PRTFDC1: variants seen among roughly 807,000 people sequenced by gnomAD.
PRTFDC1 encodes the protein phosphoribosyltransferase domain-containing protein 1.
Under a neutral mutation model 34.6 loss-of-function variants are expected in PRTFDC1, and 38 were observed. The observed-to-expected ratio is 1.10, with a 90% confidence interval of 0.85 to 1.44. The LOEUF (loss-of-function observed/expected upper bound fraction) is 1.44, where lower values mean the gene tolerates loss of function less well. PRTFDC1 is among the 40% of genes most tolerant of loss of function. The pLI is 0.00. For synonymous variants in PRTFDC1, 93 were observed against 98.1 expected (o/e 0.95, Z 0.31); for missense variants, 270 against 283.0 (o/e 0.95, Z 0.33).
intron 8 of PRTFDC1, 51 bp downstream of exon 8, chr10:24,851,337 T>C: frequency 1.3e-6 from 2 of 1,579,088 alleles, no homozygotes. Context: ...CTTTTTTAAA[T>C]TGTTAAGTTC....
intron 4 of PRTFDC1, among the ~76,000 whole-genome samples, chr10:24,859,387 G>T (rs1293801989): frequency 6.6e-6 from 1 of 152,064 alleles, no homozygotes; most frequent in Non-Finnish European, 1.5e-5. Context: ...ACCTTCCCAC[G>T]TGGCTGGGAT....
chr10:24,945,749 G>C (rs765133298), intron 1 of PRTFDC1, among the ~76,000 whole-genome samples: 1 of 152,182 alleles, frequency 6.6e-6, no homozygotes, highest in Non-Finnish European at 1.5e-5. Context: ...GAGCCATCAT[G>C]CCTGGTCAAT....
intron 3 of PRTFDC1, among the ~76,000 whole-genome samples, chr10:24,905,251 T>G (rs1234446468): frequency 6.6e-6 from 1 of 150,698 alleles, no homozygotes; most frequent in Non-Finnish European, 1.5e-5. Flanking sequence ...AGATTGAGAC[T>G]ACAGTGAGTC....
chr10:24,882,434 C>T (rs1848094257), intron 3 of PRTFDC1, among the ~76,000 whole-genome samples: 1 of 151,982 alleles, frequency 6.6e-6, no homozygotes, highest in South Asian at 2.1e-4. Flanking sequence ...CTAATTGTAC[C>T]CCCAGTGGCT....
At chr10:24,932,062 C>A (rs1848981266) in intron 3 of PRTFDC1, among the ~76,000 whole-genome samples, 1 of 151,838 alleles carries the variant, frequency 6.6e-6, no homozygotes, top group Admixed American at 6.5e-5. Context: ...CCAACATTAG[C>A]AAACCAATCA....
chr10:24,927,709 G>T (rs1360115338), intron 3 of PRTFDC1, among the ~76,000 whole-genome samples: 1 of 151,382 alleles, frequency 6.6e-6, no homozygotes, highest in Non-Finnish European at 1.5e-5. Context: ...AGCCTCCCGA[G>T]TAGCTGGGAC....
chr10:24,905,531 A>G (rs1848520881), intron 3 of PRTFDC1, among the ~76,000 whole-genome samples: 1 of 151,944 alleles, frequency 6.6e-6, no homozygotes, highest in South Asian at 2.1e-4. Flanking sequence ...CATGTTGGCC[A>G]AAAGGTCTCC....
rs1588608370 is a variant in PRTFDC1 at position 24,908,879 on chromosome 10, G to A, written c.339+28305C>T. ...AAACCAGAAGACCTCTGGCTGGGGT[G>A]AGAATGCAGGATGGAGGTCAGTTGT... On this transcript the variant is annotated intron_variant, in intron 3 of 8. Coordinates refer to ENST00000320152, the MANE Select transcript of PRTFDC1 (RefSeq NM_020200.7). 13 of 800,728 alleles carry A rather than the reference G, an allele frequency of 1.6e-5. No individual in the cohort carries two copies. The East Asian group carries it at 3.7e-4, about 23-fold the overall frequency. The allele number at this position is 800,728 out of a possible 1,614,324, so 49.6% of individuals were successfully genotyped here. A position where few individuals can be genotyped will look rare whatever the true frequency, so the allele number is the denominator to read the frequency against.
At chr10:24,937,697 A>G (rs1305463732) in intron 2 of PRTFDC1, among the ~76,000 whole-genome samples, 1 of 151,816 alleles carries the variant, frequency 6.6e-6, no homozygotes, top group Non-Finnish European at 1.5e-5. Flanking sequence ...AGCTGGGAAT[A>G]CAGGCGCCTG....
intron 1 of PRTFDC1, among the ~76,000 whole-genome samples, chr10:24,949,743 T>A (rs10828733): frequency 0.45 from 45,019 of 100,028 alleles, 7,094 homozygotes; most frequent in East Asian, 0.58. Flanking sequence ...TTATTTATTT[T>A]TTTTTTTTTT....
At chr10:24,909,797 A>C (rs1410829204) in intron 3 of PRTFDC1, among the ~76,000 whole-genome samples, 2 of 152,146 alleles carry the variant, frequency 1.3e-5, no homozygotes, top group Admixed American at 6.6e-5. Flanking sequence ...GGTCTAATCT[A>C]GCAGTGTAGA....
At chr10:24,851,510 A>G (rs758394510) in intron 7 of PRTFDC1, 46 bp from the exon 8 acceptor site, 1 of 1,584,524 alleles carries the variant, frequency 6.3e-7, no homozygotes, top group Non-Finnish European at 8.5e-7. Context: ...CAAAATTTAG[A>G]TTATATAAAT....
At chr10:24,874,364 ATTT>A (rs1847925775) in intron 3 of PRTFDC1, among the ~76,000 whole-genome samples, 1 of 152,146 alleles carries the variant, frequency 6.6e-6, no homozygotes. Context: ...AAAGGAGAAA[ATTT>A]TCTTGTCACT....
chr10:24,865,557 ATC>A (rs771998597), intron 4 of PRTFDC1, among the ~76,000 whole-genome samples: 2 of 152,326 alleles, frequency 1.3e-5, no homozygotes, highest in East Asian at 3.9e-4. Flanking sequence ...TCTATGAGGA[ATC>A]TCTGGGGTGT....
At chr10:24,896,631 A>C (rs1848369658) in intron 3 of PRTFDC1, among the ~76,000 whole-genome samples, 1 of 152,236 alleles carries the variant, frequency 6.6e-6, no homozygotes, top group African/African-American at 2.4e-5. Flanking sequence ...GGCACTTCAG[A>C]GGAAAGTCAG....
At chr10:24,905,440 G>A (rs993095791) in intron 3 of PRTFDC1, among the ~76,000 whole-genome samples, 1 of 149,680 alleles carries the variant, frequency 6.7e-6, no homozygotes, top group Non-Finnish European at 1.5e-5. Flanking sequence ...TTCTGCCTCA[G>A]TCTCCCGAGT....
intron 3 of PRTFDC1, among the ~76,000 whole-genome samples, chr10:24,872,900 C>CA (rs1241661381): frequency 6.7e-6 from 1 of 149,508 alleles, no homozygotes; most frequent in African/African-American, 2.5e-5. Flanking sequence ...CTCAATCTCC[C>CA]AGGCTCAAGC....
chr10:24,927,871 T>C (rs1291759288), intron 3 of PRTFDC1, among the ~76,000 whole-genome samples: 3 of 152,108 alleles, frequency 2.0e-5, no homozygotes, highest in Admixed American at 2.0e-4. Context: ...CGTGAGCTAT[T>C]GCACCCGGCA....
intron 4 of PRTFDC1, among the ~76,000 whole-genome samples, chr10:24,871,069 T>TACAAA (rs748664995): frequency 2.9e-5 from 3 of 103,114 alleles, no homozygotes; most frequent in Non-Finnish European, 5.5e-5. Flanking sequence ...AGACTCTGTC[T>TACAAA]AAAAAAAAAA....
Sources: allele counts gnomAD v4.1 joint callset (sites outside exome capture counted in the v4.1 genomes callset), GRCh38; gene constraint gnomAD v4.1.1; transcripts MANE v1.5; gene names NCBI Gene and HGNC (gene_info 2026-07-23, HGNC 2026-07-21).